The following BCAS4 variants were observed in gnomAD, a reference collection of about 807,000 sequenced individuals.
The protein encoded by BCAS4 is breast carcinoma amplified sequence 4.
Under a neutral mutation model 15.7 loss-of-function variants are expected in BCAS4, and 9 were observed. The ratio of observed to expected loss-of-function variants is 0.57; its 90% CI spans 0.34 to 1.00. The LOEUF (loss-of-function observed/expected upper bound fraction) is 1.00. Ranked by LOEUF, BCAS4 falls within the 50% of genes least tolerant of loss-of-function variation. The probability of loss-of-function intolerance (pLI) is 0.02; values close to 1 mark genes in which losing one functional copy is unlikely to be tolerated. For synonymous variants in BCAS4, 101 were observed against 99.5 expected, an observed-to-expected ratio of 1.02 and a Z score of -0.09; for missense variants, 225 against 239.1, an observed-to-expected ratio of 0.94 and a Z score of 0.39.
At chr20:50,834,094 G>A (rs2088377083) in intron 3 of BCAS4, among the ~76,000 whole-genome samples, 1 of 152,098 alleles carries the variant, frequency 6.6e-6, no homozygotes, top group Non-Finnish European at 1.5e-5. Flanking sequence ...TAGCCCATAG[G>A]GTAGGGCCGA....
At chr20:50,837,022 CT>C (rs1432846652) in intron 3 of BCAS4, among the ~76,000 whole-genome samples, 3 of 152,174 alleles carry the variant, frequency 2.0e-5, no homozygotes, top group Non-Finnish European at 4.4e-5. Context: ...AAAACTAGTA[CT>C]TTTGAATGCC....
intron 4 of BCAS4, among the ~76,000 whole-genome samples, chr20:50,875,623 GA>G (rs1243448480): frequency 1.6e-5 from 2 of 127,048 alleles, no homozygotes; most frequent in South Asian, 2.6e-4. Context: ...AAAAAAAAAA[GA>G]AAAAAAATTA....
intron 4 of BCAS4, chr20:50,846,569 A>G (rs2088546314): frequency 6.6e-6 from 1 of 150,886 alleles, no homozygotes; most frequent in African/African-American, 2.4e-5. Flanking sequence ...CATGGCCTGC[A>G]AGAGGGTGCA....
chr20:50,816,800 T>A (rs867658089), intron 1 of BCAS4, among the ~76,000 whole-genome samples: 1 of 121,362 alleles, frequency 8.2e-6, no homozygotes, highest in Non-Finnish European at 1.7e-5. Context: ...AATTTTTTTT[T>A]TTTTTTTTTT....
In BCAS4 at chr20:50,876,879, G is replaced by GTT. The variant is rs1979981100; in HGVS notation, c.*271_*272insTT. Reference sequence around the variant, plus strand: ...TTCAAATTTCCTCCCTGCCTCATGTGAGACCACAGGGTTTGGAGAAGCAGT... The same window carrying GTT: ...TTCAAATTTCCTCCCTGCCTCATGTGTTAGACCACAGGGTTTGGAGAAGCAGT... On this transcript the variant is annotated 3_prime_UTR_variant, in exon 5 of 5. Transcript: ENST00000371608. The GTT allele has an allele frequency of 3.7e-6, 1 of 272,770 alleles. No individual in the cohort carries two copies. The highest frequency in any genetic ancestry group is 2.2e-5 in the African/African-American group (1 of 44,608). 16.9% of individuals were successfully genotyped at this position (272,770 alleles called of 1,614,324 possible). A position where few individuals can be genotyped will look rare whatever the true frequency, so the allele number is the denominator to read the frequency against.
In BCAS4 at chr20:50,876,818, A is replaced by G. The variant is rs111728955; in HGVS notation, c.*210A>G. 1.9e-6 allele frequency: 1 copy of G among 514,070 alleles called. No homozygotes were observed. The allele number at this position is 514,070 out of a possible 1,614,324, so 31.8% of individuals were successfully genotyped here. On this transcript the variant is annotated 3_prime_UTR_variant, in exon 5 of 5. Transcript: ENST00000371608. ...CTTGGCCTTCCAAAGTGGTGGGATT[A>G]TGGGCAGGAGCCTCCGTGCCCAGGC...
chr20:50,801,642 C>T lies in BCAS4; in HGVS notation c.90+6469C>T, dbSNP rs534429201. Among the ~76,000 whole-genome samples the T allele has an allele frequency of 3.3e-5, 5 of 152,304 alleles. No homozygotes were observed. In the East Asian group the frequency reaches 9.7e-4, roughly 29 times the overall value. ...AGGCATGAGCCACCGCACCTGGCCTCTTCCTTAAATTGTATGGCAAACCTG... is the reference window on the plus strand; with the variant it reads ...AGGCATGAGCCACCGCACCTGGCCTTTTCCTTAAATTGTATGGCAAACCTG... On this transcript the variant is annotated intron_variant, in intron 1 of 4. Transcript: ENST00000371608.
At chr20:50,812,214 G>C (rs545648808) in intron 1 of BCAS4, among the ~76,000 whole-genome samples, 1 of 148,202 alleles carries the variant, frequency 6.7e-6, no homozygotes, top group African/African-American at 2.5e-5. Context: ...CTCGCTGCAA[G>C]CTCTGCTTCC....
At chr20:50,858,440 A>G (rs2123831934) in intron 4 of BCAS4, among the ~76,000 whole-genome samples, 1 of 151,970 alleles carries the variant, frequency 6.6e-6, no homozygotes, top group East Asian at 1.9e-4. Flanking sequence ...TGTCTGTACT[A>G]AAAATAGAAA....
chr20:50,830,373 G>A lies in BCAS4; in HGVS notation c.257G>A (p.Arg86Gln), dbSNP rs958729390. 12 of 1,613,026 alleles carry A rather than the reference G, an allele frequency of 7.4e-6. No homozygotes were observed. The highest frequency in any genetic ancestry group is 1.7e-5 in the Admixed American group (1 of 59,782). The change falls in exon 3 of 5, where the codon CGG becomes CAG. Residue 86 changes from arginine (R) to glutamine (Q), a missense_variant. By Grantham distance (43) the Arg-to-Gln change is conservative. Transcript: ENST00000371608. The stretch of plus-strand genomic sequence containing the variant: ...CGTGGCATCTATGCCAAAGTGGACC[G>A]GCTAGAGGTACGTCTAGGCAAACGA... ...EMRGIYAKVD[R>Q]LEAFVKMVGH...
At chr20:50,835,756 A>G (rs1025197280) in intron 3 of BCAS4, among the ~76,000 whole-genome samples, 19 of 152,158 alleles carry the variant, frequency 1.2e-4, no homozygotes, top group African/African-American at 3.6e-4. Flanking sequence ...ATTGAGGCTG[A>G]GTGGCACTCA....
rs1568684273 is a variant in BCAS4, at chr20:50,864,438, G to GTTTTTTTTTTTTTTTTTT, written c.400-12048_400-12047insTTTTTTTTTTTTTTTTTT. Among the ~76,000 whole-genome samples, 3 of 138,512 alleles carry GTTTTTTTTTTTTTTTTTT rather than the reference G, an allele frequency of 2.2e-5. 1 individual carries two copies. The highest frequency in any genetic ancestry group is 4.6e-5 in the Non-Finnish European group (3 of 64,694). The allele number at this position is 138,512 out of a possible 152,430, so 90.9% of individuals were successfully genotyped here. On this transcript the variant is annotated intron_variant, in intron 4 of 4. Transcript: ENST00000371608. The stretch of plus-strand genomic sequence containing the variant: ...ATTGTCCTTACTATTGATCATGATT[G>GTTTTTTTTTTTTTTTTTT]ATTTTTTTTTTTTTTTTTTTGACAG...
chr20:50,795,450 T>C (rs2087842877), intron 1 of BCAS4, among the ~76,000 whole-genome samples: 1 of 152,094 alleles, frequency 6.6e-6, no homozygotes, highest in African/African-American at 2.4e-5. Context: ...GCGCCGCCCT[T>C]TGCCAGGCCG....
intron 4 of BCAS4, 135 bp from the exon 5 acceptor site, chr20:50,876,351 A>G: frequency 8.2e-7 from 1 of 1,219,020 alleles, no homozygotes; most frequent in South Asian, 1.5e-5. Context: ...TGTCACAGGC[A>G]GTGCTGTCAG....
Position 50,841,909 on chromosome 20 carries a change from C to G in BCAS4, c.399+9C>G, listed in dbSNP as rs377159322. ...TCCCCTCCTTCAGGAACGTGAGTAT[C>G]CTGCCCCGAGAAGTGAGGGGAGGGC... On this transcript the variant is annotated intron_variant, in intron 4 of 4. Coordinates refer to ENST00000371608, the MANE Select transcript of BCAS4 (RefSeq NM_198799.4). 1 of 1,562,920 alleles carries G rather than the reference C, an allele frequency of 6.4e-7. No individual in the cohort carries two copies. Among genetic ancestry groups the G allele is most frequent in the East Asian group, 2.3e-5 (1 of 43,542 alleles).
At chr20:50,803,065 C>CA (rs2087947213) in intron 1 of BCAS4, among the ~76,000 whole-genome samples, 1 of 152,146 alleles carries the variant, frequency 6.6e-6, no homozygotes, top group Non-Finnish European at 1.5e-5. Flanking sequence ...CCTACAGTCC[C>CA]AGCTACTCGG....
chr20:50,818,207 T>C lies in BCAS4; in HGVS notation c.91-4T>C. ...TAATCTCCAGGATATCGTCTCTTTT[T>C]CAGGCGAAGGAGGTGGAGGAGACCA... On this transcript the variant is annotated splice_region_variant and splice_polypyrimidine_tract_variant and intron_variant, in intron 1 of 4. Coordinates refer to ENST00000371608, the MANE Select transcript of BCAS4 (RefSeq NM_198799.4). 4 of 1,613,872 alleles carry C rather than the reference T, an allele frequency of 2.5e-6. No individual in the cohort carries two copies. The South Asian group carries it at 4.4e-5, about 18-fold the overall frequency.
intron 3 of BCAS4, among the ~76,000 whole-genome samples, chr20:50,838,643 G>A (rs753339866): frequency 6.6e-6 from 1 of 152,060 alleles, no homozygotes; most frequent in Non-Finnish European, 1.5e-5. Flanking sequence ...TTGGGAGTTC[G>A]AGACCAGCCT....
intron 4 of BCAS4, among the ~76,000 whole-genome samples, chr20:50,861,536 T>G (rs1979068501): frequency 6.6e-6 from 1 of 152,188 alleles, no homozygotes; most frequent in Non-Finnish European, 1.5e-5. Context: ...CCTTTATACA[T>G]TTAGAATATC....
Sources: gnomAD v4.1 joint callset for allele counts (sites outside exome capture counted in the v4.1 genomes callset) on GRCh38, gnomAD v4.1.1 for gene constraint, MANE v1.5 for transcripts, NCBI Gene and HGNC (gene_info 2026-07-23, HGNC 2026-07-21) for gene names.